Variants in FER observed in about 807,000 individuals in gnomAD.
FER encodes the protein tyrosine-protein kinase Fer.
FER carries 63 observed loss-of-function variants against 111.0 expected under a neutral mutation model. The observed-to-expected ratio is 0.57, with a 90% CI of 0.46 to 0.70. The LOEUF (loss-of-function observed/expected upper bound fraction) is 0.70. Among genes scored for constraint, FER ranks in the 30% least tolerant of loss-of-function variants. The probability of loss-of-function intolerance (pLI) is 0.00; values close to 1 mark genes in which losing one functional copy is unlikely to be tolerated. For missense variants in FER, 914 were observed against 954.0 expected, an observed-to-expected ratio of 0.96 and a Z score of 0.55; for synonymous variants, 327 against 313.9, an observed-to-expected ratio of 1.04 and a Z score of -0.44.
intron 13 of FER, among the ~76,000 whole-genome samples, chr5:108,988,215 C>T (rs1005603094): frequency 5.9e-5 from 9 of 152,058 alleles, no homozygotes; most frequent in Non-Finnish European, 1.3e-4. Context: ...AGGATTTTTG[C>T]ATCTATATTC....
chr5:109,111,878 G>T (rs1173962191), intron 17 of FER, among the ~76,000 whole-genome samples: 1 of 152,082 alleles, frequency 6.6e-6, no homozygotes, highest in Non-Finnish European at 1.5e-5. Context: ...AGATTAGGGT[G>T]GGGAAACATA....
intron 3 of FER, among the ~76,000 whole-genome samples, chr5:108,805,614 G>A (rs1242299495): frequency 6.6e-6 from 1 of 152,184 alleles, no homozygotes; most frequent in Non-Finnish European, 1.5e-5. Context: ...CCAGGCTGAG[G>A]TAGTCTCAGA....
chr5:109,125,019 C>T (rs1192232619), intron 17 of FER, among the ~76,000 whole-genome samples: 1 of 140,346 alleles, frequency 7.1e-6, no homozygotes. Flanking sequence ...GCACTCCAGC[C>T]TGGGCGACAG....
intron 3 of FER, among the ~76,000 whole-genome samples, chr5:108,801,078 A>G (rs1218628173): frequency 6.6e-6 from 1 of 152,248 alleles, no homozygotes; most frequent in Non-Finnish European, 1.5e-5. Context: ...ATGCAAAGTT[A>G]AAGAGTTTTG....
intron 16 of FER, among the ~76,000 whole-genome samples, chr5:109,055,229 G>A (rs529532684): frequency 1.3e-5 from 2 of 152,146 alleles, no homozygotes; most frequent in South Asian, 4.1e-4. Flanking sequence ...GAACATGGGG[G>A]AAAACTCTGG....
At chr5:108,987,365 G>A (rs1034496389) in intron 13 of FER, among the ~76,000 whole-genome samples, 8 of 152,212 alleles carry the variant, frequency 5.3e-5, no homozygotes, top group African/African-American at 1.9e-4. Context: ...AGAATCGCTT[G>A]AACCTGGGAG....
At chr5:108,823,125 C>T (rs1027752829) in intron 3 of FER, among the ~76,000 whole-genome samples, 1 of 152,202 alleles carries the variant, frequency 6.6e-6, no homozygotes, top group Non-Finnish European at 1.5e-5. Flanking sequence ...CCTTGGCCTC[C>T]CAAAGTCCTG....
chr5:109,046,725 T>G (rs1245665599), intron 15 of FER, among the ~76,000 whole-genome samples: 1 of 152,136 alleles, frequency 6.6e-6, no homozygotes, highest in Non-Finnish European at 1.5e-5. Flanking sequence ...TTTCTTATTA[T>G]TCCCTAAACA....
At chr5:108,891,069 TA>T (rs1480880048) in intron 9 of FER, among the ~76,000 whole-genome samples, 5 of 152,178 alleles carry the variant, frequency 3.3e-5, no homozygotes, top group Non-Finnish European at 5.9e-5. Flanking sequence ...TGAGCCATTC[TA>T]AAAGATGTGT....
At position 108,845,017 on chromosome 5, in the gene FER, T is replaced by C. The variant is rs1235740158; in HGVS notation, c.481+9210T>C. Among the ~76,000 whole-genome samples, 22 of 52,214 alleles carry C rather than the reference T, an allele frequency of 4.2e-4. No homozygotes were observed. In the East Asian group the frequency reaches 8.6e-3, roughly 20 times the overall value. 34.3% of individuals were successfully genotyped at this position (52,214 alleles called of 152,430 possible). A position where few individuals can be genotyped will look rare whatever the true frequency, so the allele number is the denominator to read the frequency against. ...GTGTGTATATATATATATATATATA[T>C]ATATATATATATATATATATATACA... On this transcript the variant is annotated intron_variant, in intron 5 of 19. Coordinates refer to ENST00000281092, the MANE Select transcript of FER (RefSeq NM_005246.4).
At chr5:109,141,035 A>G (rs1264040435) in intron 17 of FER, among the ~76,000 whole-genome samples, 9 of 152,266 alleles carry the variant, frequency 5.9e-5, no homozygotes, top group Middle Eastern at 3.4e-3. Context: ...GGAACATGTG[A>G]GCAGCTCTGA....
chr5:108,967,413 T>C (rs1356969436), intron 13 of FER, among the ~76,000 whole-genome samples: 2 of 152,088 alleles, frequency 1.3e-5, no homozygotes, highest in African/African-American at 4.8e-5. Context: ...TTTGTGAGTA[T>C]GCAGAAAAGG....
At chr5:108,810,744 C>T (rs1757674270) in intron 3 of FER, among the ~76,000 whole-genome samples, 1 of 152,076 alleles carries the variant, frequency 6.6e-6, no homozygotes, top group Admixed American at 6.5e-5. Flanking sequence ...GGCCCAGCTG[C>T]AATACGGTGT....
At position 109,186,306 on chromosome 5, in the gene FER, A is replaced by G. The variant is rs1162995903; in HGVS notation, c.2310A>G (p.Arg770=). The G allele has an allele frequency of 6.2e-7, 1 of 1,614,132 alleles. No homozygotes were observed. The highest frequency in any genetic ancestry group is 1.7e-5 in the Admixed American group (1 of 60,032). The change falls in exon 19 of 20, where the codon AGA becomes AGG. Residue 770 remains arginine, a synonymous_variant. Coordinates refer to ENST00000281092, the MANE Select transcript of FER (RefSeq NM_005246.4). ...PYPGMTNQQA[R]EQVERGYRMS... Reference sequence around the variant, plus strand: ...CTGGAATGACAAATCAGCAAGCAAGAGAGCAAGTAGAAAGAGGTGAGCCAA... The same window carrying G: ...CTGGAATGACAAATCAGCAAGCAAGGGAGCAAGTAGAAAGAGGTGAGCCAA...
chr5:109,068,905 T>C (rs912902654), intron 16 of FER, among the ~76,000 whole-genome samples: 11 of 152,186 alleles, frequency 7.2e-5, no homozygotes, highest in Admixed American at 5.9e-4. Context: ...TGCCTAAATA[T>C]TTCAGAATAA....
At chr5:108,843,603 C>T (rs1350342990) in intron 5 of FER, among the ~76,000 whole-genome samples, 3 of 130,958 alleles carry the variant, frequency 2.3e-5, no homozygotes, top group Middle Eastern at 4.3e-3. Flanking sequence ...GATCTCGGGT[C>T]GCTGTAGCCT....
At chr5:108,815,568 A>G (rs1038726065) in intron 3 of FER, among the ~76,000 whole-genome samples, 14 of 152,078 alleles carry the variant, frequency 9.2e-5, no homozygotes, top group Non-Finnish European at 2.9e-5. Flanking sequence ...CTGAAGATGA[A>G]TTTTACTTTG....
chr5:108,981,117 T>C (rs981197892), intron 13 of FER, among the ~76,000 whole-genome samples: 4 of 152,128 alleles, frequency 2.6e-5, no homozygotes, highest in African/African-American at 9.7e-5. Flanking sequence ...TATAGCTCAT[T>C]ATTGTGTAAA....
chr5:108,794,526 A>ACCCCCCCCCCCCCCCCCCCCCC (rs138716410), intron 2 of FER, among the ~76,000 whole-genome samples: 8 of 106,352 alleles, frequency 7.5e-5, no homozygotes, highest in Non-Finnish European at 1.1e-4. Flanking sequence ...CCCCCTCCGC[A>ACCCCCCCCCCCCCCCCCCCCCC]CCCCCCCCCC....
Sources: gnomAD v4.1 joint callset for allele counts (sites outside exome capture counted in the v4.1 genomes callset) on GRCh38, gnomAD v4.1.1 for gene constraint, MANE v1.5 for transcripts, NCBI Gene and HGNC (gene_info 2026-07-23, HGNC 2026-07-21) for gene names.